Variants in SDK1 observed in about 807,000 individuals in gnomAD.
The protein encoded by SDK1 is protein sidekick-1.
SDK1 carries 157 observed loss-of-function variants against 245.5 expected under a neutral mutation model. The ratio of observed to expected loss-of-function variants is 0.64; its 90% CI spans 0.56 to 0.73. SDK1 has a LOEUF of 0.73. SDK1 is among the 30% of genes least tolerant of loss of function. The pLI is 0.00. For synonymous variants in SDK1, 1,647 were observed against 1,278.5 expected (o/e 1.29, Z -6.15); for missense variants, 3,583 against 3,002.3 (o/e 1.19, Z -4.52).
chr7:3,376,703 C>T (rs1022308759), intron 1 of SDK1, among the ~76,000 whole-genome samples: 7 of 152,098 alleles, frequency 4.6e-5, no homozygotes, highest in African/African-American at 1.7e-4. Context: ...TAACATGTCT[C>T]AAAATGCAAA....
intron 4 of SDK1, among the ~76,000 whole-genome samples, chr7:3,819,793 T>G (rs1001044434): frequency 3.3e-5 from 5 of 152,138 alleles, no homozygotes; most frequent in African/African-American, 1.2e-4. Context: ...CAATAACTTC[T>G]TAAGATAATT....
At chr7:3,954,802 C>A (rs923901245) in intron 7 of SDK1, among the ~76,000 whole-genome samples, 1 of 151,434 alleles carries the variant, frequency 6.6e-6, no homozygotes, top group African/African-American at 2.4e-5. Context: ...ATGTCTGTCA[C>A]AGAGGCTCTG....
At chr7:3,863,629 A>T (rs576152996) in intron 5 of SDK1, among the ~76,000 whole-genome samples, 2 of 152,122 alleles carry the variant, frequency 1.3e-5, no homozygotes, top group East Asian at 3.9e-4. Flanking sequence ...CTTTTGTTCT[A>T]CTTTCTGTCT....
intron 5 of SDK1, among the ~76,000 whole-genome samples, chr7:3,949,451 A>G (rs1223977983): frequency 6.6e-6 from 1 of 152,054 alleles, no homozygotes; most frequent in Non-Finnish European, 1.5e-5. Context: ...CGCGGCCCTC[A>G]CCCCACCGCC....
chr7:3,630,594 C>T (rs1033899394), intron 2 of SDK1, among the ~76,000 whole-genome samples: 3 of 152,110 alleles, frequency 2.0e-5, no homozygotes, highest in African/African-American at 7.2e-5. Flanking sequence ...CGAGATTGTG[C>T]CATTGCCCTC....
At chr7:3,618,334 T>C (rs1202220) in intron 1 of SDK1, among the ~76,000 whole-genome samples, 80,829 of 152,068 alleles carry the variant, frequency 0.53, 23,607 homozygotes, top group Non-Finnish European at 0.67. Context: ...GTAACCCTTA[T>C]CCTTAACCTC....
intron 4 of SDK1, among the ~76,000 whole-genome samples, chr7:3,811,059 G>A (rs1779371462): frequency 2.6e-5 from 4 of 152,142 alleles, no homozygotes; most frequent in Admixed American, 2.6e-4. Context: ...GACATTTACT[G>A]TTTTCTTACT....
intron 4 of SDK1, among the ~76,000 whole-genome samples, chr7:3,656,787 C>CCGGACTG (rs992116099): frequency 1.3e-5 from 2 of 150,240 alleles, no homozygotes; most frequent in East Asian, 2.0e-4. Flanking sequence ...GTCGCCCAGG[C>CCGGACTG]CGGACTGCGG....
intron 1 of SDK1, among the ~76,000 whole-genome samples, chr7:3,553,153 T>C (rs779744666): frequency 1.3e-5 from 2 of 152,144 alleles, no homozygotes; most frequent in Non-Finnish European, 2.9e-5. Flanking sequence ...TGCCTTATAT[T>C]GTACAACAAT....
rs149690366 is a variant in SDK1 at position 4,092,453 on chromosome 7, C to G, written c.3324+12869C>G. On this transcript the variant is annotated intron_variant, in intron 22 of 44. Coordinates refer to ENST00000404826, the MANE Select transcript of SDK1 (RefSeq NM_152744.4). ...TGTCCTAAACTCCAGGCAGCGGGGC[C>G]CTTGAGGCTGTGACTAGTATAGATG... Among the ~76,000 whole-genome samples, 464 of 152,294 alleles carry G rather than the reference C, an allele frequency of 3.0e-3. 4 individuals carry two copies. Among genetic ancestry groups the G allele is most frequent in the African/African-American group, 0.011 (450 of 41,568 alleles).
chr7:3,962,383 C>T (rs1018837110), intron 8 of SDK1, among the ~76,000 whole-genome samples: 10 of 152,194 alleles, frequency 6.6e-5, no homozygotes, highest in Non-Finnish European at 1.2e-4. Context: ...CCTTTCCAAA[C>T]AAGAGCATGA....
At chr7:3,554,705 CCAAAAAATATAACTGATAAA>C (rs1438505493) in intron 1 of SDK1, among the ~76,000 whole-genome samples, 1 of 152,080 alleles carries the variant, frequency 6.6e-6, no homozygotes, top group African/African-American at 2.4e-5. Flanking sequence ...TTTCCCTCAT[CCAAAAAATATAACTGATAAA>C]CAAATTCATT....
At chr7:3,380,187 T>C (rs967791772) in intron 1 of SDK1, among the ~76,000 whole-genome samples, 2 of 152,242 alleles carry the variant, frequency 1.3e-5, no homozygotes, top group Non-Finnish European at 2.9e-5. Flanking sequence ...GTTTGGCTTA[T>C]GTAAATGCAG....
chr7:4,229,471 T>C (rs1785619219), intron 40 of SDK1, among the ~76,000 whole-genome samples: 1 of 152,218 alleles, frequency 6.6e-6, no homozygotes, highest in Admixed American at 6.5e-5. Flanking sequence ...AGATTCTGTA[T>C]CAATATTTTA....
chr7:3,916,231 A>AT (rs1779375538), intron 5 of SDK1, among the ~76,000 whole-genome samples: 1 of 152,232 alleles, frequency 6.6e-6, no homozygotes. Flanking sequence ...GTGGATCTAC[A>AT]TTTTACATGT....
chr7:4,082,885 T>G (rs1781152839), intron 22 of SDK1, among the ~76,000 whole-genome samples: 1 of 152,114 alleles, frequency 6.6e-6, no homozygotes. Flanking sequence ...CCTCCCAAAG[T>G]GCTGTGATTA....
At chr7:4,178,396 C>G (rs1782379909) in intron 34 of SDK1, 89 bp from the exon 35 acceptor site, 1 of 946,634 alleles carries the variant, frequency 1.1e-6, no homozygotes, top group Admixed American at 1.8e-5. Context: ...GAGGGTGCTC[C>G]TTGCTTCATT....
In SDK1 at chr7:3,496,895, A is replaced by G. The variant is rs62440160; in HGVS notation, c.299-122185A>G. ...TAGGTTAGTAGTGCTTGACGTGATCAGATGCCTCTTCAGAGGTCACCTGAT... is the reference window on the plus strand; with the variant it reads ...TAGGTTAGTAGTGCTTGACGTGATCGGATGCCTCTTCAGAGGTCACCTGAT... On this transcript the variant is annotated intron_variant, in intron 1 of 44. Coordinates refer to ENST00000404826, the MANE Select transcript of SDK1 (RefSeq NM_152744.4). 7.1e-3 allele frequency among the ~76,000 whole-genome samples: 1,075 copies of G among 152,348 alleles called. 6 individuals are homozygous for G. The highest frequency in any genetic ancestry group is 0.024 in the Middle Eastern group (7 of 294).
intron 5 of SDK1, among the ~76,000 whole-genome samples, chr7:3,908,675 A>C (rs1285895489): frequency 1.3e-5 from 2 of 152,020 alleles, no homozygotes; most frequent in Non-Finnish European, 2.9e-5. Flanking sequence ...TTTTCCTCCA[A>C]ATCCTCTTTA....
Sources: allele counts gnomAD v4.1 joint callset (sites outside exome capture counted in the v4.1 genomes callset), GRCh38; gene constraint gnomAD v4.1.1; transcripts MANE v1.5; gene names NCBI Gene and HGNC (gene_info 2026-07-23, HGNC 2026-07-21).